TNRC6A: variants seen among roughly 807,000 people sequenced by gnomAD.
TNRC6A encodes the protein trinucleotide repeat containing adaptor 6A, also known as trinucleotide repeat-containing gene 6A protein.
In TNRC6A, 44 loss-of-function variants were observed where a neutral mutation model predicts 221.2. The ratio of observed to expected loss-of-function variants is 0.20; its 90% CI spans 0.16 to 0.26. The LOEUF (loss-of-function observed/expected upper bound fraction) is 0.26. TNRC6A is among the 10% of genes least tolerant of loss of function. TNRC6A has a pLI of 1.00. For missense variants in TNRC6A, 2,199 were observed against 2,404.4 expected, an observed-to-expected ratio of 0.91 and a Z score of 1.79; for synonymous variants, 847 against 838.5, an observed-to-expected ratio of 1.01 and a Z score of -0.18.
rs558685634 is a variant in TNRC6A at position 24,780,501 on chromosome 16, G to A, written c.589+3143G>A. Among the ~76,000 whole-genome samples the A allele has an allele frequency of 4.6e-5, 7 of 152,256 alleles. No homozygotes were observed. The East Asian group carries it at 1.4e-3, about 29-fold the overall frequency. On this transcript the variant is annotated intron_variant, in intron 5 of 24. Coordinates refer to ENST00000395799, the MANE Select transcript of TNRC6A (RefSeq NM_014494.4). ...TAGTTGTCCCAAGAATGTATTGCTTGCTTGTTTGTTCACAGTATGTTAGTG... is the reference window on the plus strand; with the variant it reads ...TAGTTGTCCCAAGAATGTATTGCTTACTTGTTTGTTCACAGTATGTTAGTG...
At chr16:24,685,767 A>G (rs2055614740) in intron 2 of TNRC6A, among the ~76,000 whole-genome samples, 1 of 152,172 alleles carries the variant, frequency 6.6e-6, no homozygotes, top group Non-Finnish European at 1.5e-5. Flanking sequence ...CGGTTTGCTC[A>G]TCAGTAAAAT....
intron 1 of TNRC6A, 123 bp downstream of exon 1, chr16:24,729,969 G>T: frequency 2.2e-6 from 2 of 908,864 alleles, no homozygotes; most frequent in African/African-American, 1.8e-5. Flanking sequence ...TCGGGCCTCG[G>T]CGGGAGGGCG....
intron 5 of TNRC6A, among the ~76,000 whole-genome samples, chr16:24,783,399 G>C (rs757782756): frequency 6.6e-6 from 1 of 152,148 alleles, no homozygotes; most frequent in South Asian, 2.1e-4. Flanking sequence ...AAAGTGCTGG[G>C]ATTACAGGCA....
At position 24,704,664 on chromosome 16, in the gene TNRC6A, CAAAAAAA is replaced by C. The variant is rs58926085; in HGVS notation, n.403-46038_403-46032del. On this transcript the variant is annotated intron_variant and non_coding_transcript_variant, in intron 2 of 2. Coordinates refer to the TNRC6A transcript ENST00000566108. ...TGGGTGACAGAACAAGACTCCGTCT[CAAAAAAA>C]AAAAAAAAAAAAAAAAAAAAAAAGA... 1.5e-3 allele frequency among the ~76,000 whole-genome samples: 106 copies of C among 69,446 alleles called. 1 individual carries two copies. Among genetic ancestry groups the C allele is most frequent in the African/African-American group, 4.5e-3 (91 of 20,216 alleles). The allele number at this position is 69,446 out of a possible 152,430, so 45.6% of individuals were successfully genotyped here.
At chr16:24,819,879 G>A in intron 21 of TNRC6A, 1 of 479,368 alleles carries the variant, frequency 2.1e-6, no homozygotes, top group Non-Finnish European at 3.7e-6. Context: ...TTCAGTTTGA[G>A]TACAGTTTTG....
intron 1 of TNRC6A, among the ~76,000 whole-genome samples, chr16:24,623,565 C>G (rs1330596845): frequency 6.6e-6 from 1 of 151,912 alleles, no homozygotes; most frequent in Non-Finnish European, 1.5e-5. Context: ...GAGCCCAGTA[C>G]AAAATGAAAA....
At chr16:24,750,637 GAGTGAAAA>G (rs2057114840) in intron 2 of TNRC6A, 81 bp from the exon 3 acceptor site, 3 of 1,359,466 alleles carry the variant, frequency 2.2e-6, no homozygotes, top group Admixed American at 2.8e-5. Context: ...CTTCTAATAA[GAGTGAAAA>G]AGTGAAAATG....
rs1313896592 is a variant in TNRC6A, at chr16:24,729,690, G to GTGT, written c.-152_-151insTGT. The GTGT allele has an allele frequency of 1.4e-5, 8 of 585,496 alleles. No homozygotes were observed. Among genetic ancestry groups the GTGT allele is most frequent in the South Asian group, 5.7e-5 (1 of 17,670 alleles). The allele number at this position is 585,496 out of a possible 1,614,324, so 36.3% of individuals were successfully genotyped here. ...GCCTGCGGCGGCGGCGGTGTCGGCG[G>GTGT]CGGCGGCGGCGGCGGCGGCGGCGGC... On this transcript the variant is annotated 5_prime_UTR_variant, in exon 1 of 25. Coordinates refer to ENST00000395799, the MANE Select transcript of TNRC6A (RefSeq NM_014494.4).
intron 1 of TNRC6A, among the ~76,000 whole-genome samples, chr16:24,634,848 T>C (rs1466204911): frequency 6.6e-6 from 1 of 152,244 alleles, no homozygotes; most frequent in African/African-American, 2.4e-5. Flanking sequence ...ATATCAAGCC[T>C]GTGTCTTGCC....
At chr16:24,695,418 T>C (rs935317878) in intron 2 of TNRC6A, among the ~76,000 whole-genome samples, 1 of 152,160 alleles carries the variant, frequency 6.6e-6, no homozygotes, top group Admixed American at 6.6e-5. Flanking sequence ...TTTTGTTTTT[T>C]TGAGACAGTC....
intron 1 of TNRC6A, among the ~76,000 whole-genome samples, chr16:24,623,724 C>T (rs1225774565): frequency 1.3e-5 from 2 of 151,184 alleles, no homozygotes; most frequent in African/African-American, 2.4e-5. Flanking sequence ...GACCTCGTCT[C>T]TAAAAAAATT....
In TNRC6A at chr16:24,680,259, A is replaced by AG. The variant is rs202152937; in HGVS notation, n.402+39251dup. On this transcript the variant is annotated intron_variant and non_coding_transcript_variant, in intron 2 of 2. Transcript: ENST00000566108. ...ACATAGCAAGACCCTGTCTTTATGC[A>AG]GAAAAAAAAAAAGTATCTGGGCATG... Among the ~76,000 whole-genome samples, 654 of 151,752 alleles carry AG rather than the reference A, an allele frequency of 4.3e-3. 4 individuals carry two copies. Among genetic ancestry groups the AG allele is most frequent in the African/African-American group, 0.015 (632 of 41,386 alleles).
At chr16:24,728,176 C>A (rs553769201), upstream of TNRC6A, among the ~76,000 whole-genome samples, 11 of 152,226 alleles carry the variant, frequency 7.2e-5, no homozygotes, top group South Asian at 2.3e-3. Flanking sequence ...AAGCTGGGCG[C>A]GGTGGCTCAC....
intron 5 of TNRC6A, chr16:24,778,316 C>T (rs185148759): frequency 1.0e-6 from 1 of 984,982 alleles, no homozygotes; most frequent in African/African-American, 1.7e-5. Context: ...CTACTCTGTA[C>T]ATTGTAATAT....
chr16:24,712,872 G>A (rs987330045), intron 2 of TNRC6A, among the ~76,000 whole-genome samples: 2 of 151,134 alleles, frequency 1.3e-5, no homozygotes, highest in East Asian at 3.9e-4. Flanking sequence ...TCCCAGCTCA[G>A]CCTCTTGAGA....
chr16:24,800,654 C>T (rs532111737), intron 11 of TNRC6A, among the ~76,000 whole-genome samples: 1 of 152,338 alleles, frequency 6.6e-6, no homozygotes, highest in South Asian at 2.1e-4. Context: ...GCTATGATGT[C>T]GTGCTGGTGG....
intron 1 of TNRC6A, among the ~76,000 whole-genome samples, chr16:24,623,877 G>A (rs1596548308): frequency 8.8e-6 from 1 of 113,932 alleles, no homozygotes; most frequent in Non-Finnish European, 1.6e-5. Context: ...ACTCCAGCAT[G>A]GGTAAAGGAG....
At chr16:24,660,728 C>CTTTTTTTTT (rs138458968) in intron 2 of TNRC6A, among the ~76,000 whole-genome samples, 5 of 122,546 alleles carry the variant, frequency 4.1e-5, no homozygotes, top group South Asian at 2.5e-4. Flanking sequence ...TTTCTTTTTT[C>CTTTTTTTTT]TTTTTTTTTT....
At position 24,790,957 on chromosome 16, in the gene TNRC6A, C is replaced by T. The variant is rs2058085849; in HGVS notation, c.2315C>T (p.Pro772Leu). The change falls in exon 6 of 25, where the codon CCT (proline) becomes CTT (leucine). Residue 772 changes from proline to leucine, a missense_variant. Around this residue, in one of 8 missense-constraint regions of TNRC6A, gnomAD observed 1,405 missense variants for 1,400.2 expected, o/e 1.00. Coordinates refer to ENST00000395799, the MANE Select transcript of TNRC6A (RefSeq NM_014494.4). ...GGGGCATGTATAGATAAGACTAGCC[C>T]TAATGGTAATGATACCTCATCTGTA... ...NSGACIDKTS[P>L]NGNDTSSVSG... 1 of 1,611,252 alleles carries T rather than the reference C, an allele frequency of 6.2e-7. No individual in the cohort carries two copies.
Sources: allele counts gnomAD v4.1 joint callset (sites outside exome capture counted in the v4.1 genomes callset), GRCh38; gene constraint gnomAD v4.1.1; regional missense constraint gnomAD v4.1.1; transcripts MANE v1.5; gene names NCBI Gene and HGNC (gene_info 2026-07-23, HGNC 2026-07-21).